Variants in PDE9A observed in about 807,000 individuals in gnomAD.
PDE9A encodes high affinity cGMP-specific 3',5'-cyclic phosphodiesterase 9A.
Under a neutral mutation model 87.4 loss-of-function variants are expected in PDE9A, and 60 were observed. That is an observed-to-expected ratio of 0.69 (90% CI 0.56 to 0.85). PDE9A has a LOEUF of 0.85. Among genes scored for constraint, PDE9A ranks in the 40% least tolerant of loss-of-function variants. The pLI is 0.00. For synonymous variants in PDE9A, 272 were observed against 279.4 expected, an observed-to-expected ratio of 0.97 and a Z score of 0.27; for missense variants, 665 against 779.0, an observed-to-expected ratio of 0.85 and a Z score of 1.74.
chr21:42,670,140 TACACACACATTCACAC>T (rs1490816933), intron 1 of PDE9A, among the ~76,000 whole-genome samples: 5 of 149,270 alleles, frequency 3.3e-5, no homozygotes, highest in Admixed American at 6.7e-5. Flanking sequence ...CACACATGCT[TACACACACATTCACAC>T]GCACACACAT....
At chr21:42,767,104 A>G (rs1489723628) in intron 15 of PDE9A, among the ~76,000 whole-genome samples, 1 of 151,952 alleles carries the variant, frequency 6.6e-6, no homozygotes, top group East Asian at 1.9e-4. Context: ...TCTCACTGCT[A>G]CGGAGCCCCA....
Position 42,660,219 on chromosome 21 carries a change from C to T in PDE9A, c.69+6336C>T, listed in dbSNP as rs2057379009. 1.3e-5 allele frequency among the ~76,000 whole-genome samples: 2 copies of T among 152,218 alleles called. No homozygotes were observed. The highest frequency in any genetic ancestry group is 4.1e-4 in the South Asian group (2 of 4,828). ...GGGCAAGAAGGGCCCAGAGAGCCCC[C>T]AGAGACCAGACGGCACAGCCCGATA... On this transcript the variant is annotated intron_variant, in intron 1 of 19. Coordinates refer to ENST00000291539, the MANE Select transcript of PDE9A (RefSeq NM_002606.3). This position sits in a 1 kb window ranked among gnomAD's most constrained non-coding sequence, Gnocchi z 4.7.
At chr21:42,757,949 C>G (rs1173818752) in intron 10 of PDE9A, 1 of 152,418 alleles carries the variant, frequency 6.6e-6, no homozygotes, top group African/African-American at 2.4e-5. Flanking sequence ...CAGTTCGTAA[C>G]ATGCCCTTTT....
At chr21:42,737,430 C>T (rs1189046427) in intron 7 of PDE9A, among the ~76,000 whole-genome samples, 1 of 152,178 alleles carries the variant, frequency 6.6e-6, no homozygotes, top group Non-Finnish European at 1.5e-5. Flanking sequence ...TATACATGAG[C>T]TGCTGTGAGC....
intron 19 of PDE9A, among the ~76,000 whole-genome samples, chr21:42,773,406 A>G (rs2057201725): frequency 6.6e-6 from 1 of 152,236 alleles, no homozygotes; most frequent in African/African-American, 2.4e-5. Context: ...CTTTTCACAA[A>G]TCACGTGTTT....
At chr21:42,715,214 T>G (rs1463903808) in intron 4 of PDE9A, among the ~76,000 whole-genome samples, 2 of 137,356 alleles carry the variant, frequency 1.5e-5, no homozygotes, top group African/African-American at 2.9e-5. Context: ...TTTTTACAAT[T>G]GATAGACTTT....
At chr21:42,727,495 T>G (rs1383741219) in intron 4 of PDE9A, among the ~76,000 whole-genome samples, 1 of 105,388 alleles carries the variant, frequency 9.5e-6, no homozygotes, top group East Asian at 4.7e-4. Flanking sequence ...GGCTATTTTT[T>G]TTTTTTTTTT....
At chr21:42,746,036 G>A (rs1485804425) in intron 8 of PDE9A, among the ~76,000 whole-genome samples, 2 of 152,250 alleles carry the variant, frequency 1.3e-5, no homozygotes, top group African/African-American at 4.8e-5. Flanking sequence ...GTAGGATGCA[G>A]CCTCTTATCC....
chr21:42,720,803 C>T (rs1043659094), intron 4 of PDE9A, among the ~76,000 whole-genome samples: 1 of 151,946 alleles, frequency 6.6e-6, no homozygotes, highest in East Asian at 1.9e-4. Flanking sequence ...GTCGGGAGTT[C>T]GAGACCAGCC....
rs564880594 is a variant in PDE9A at position 42,654,069 on chromosome 21, TGGGGGGTGGGGGGTG to T, written c.69+193_69+207del. Among the ~76,000 whole-genome samples, 203 of 55,676 alleles carry T rather than the reference TGGGGGGTGGGGGGTG, an allele frequency of 3.6e-3. 5 individuals carry two copies. The South Asian group carries it at 0.088, about 24-fold the overall frequency. The allele number at this position is 55,676 out of a possible 152,430, so 36.5% of individuals were successfully genotyped here. On this transcript the variant is annotated intron_variant, in intron 1 of 19. Transcript: ENST00000291539. ...CCCCGGGGAAAGGGGCGACTCGCCCTGGGGGGTGGGGGGTGGGGGGGCGGGCTAGTGTTTCCGTTT... is the reference window on the plus strand; with the variant it reads ...CCCCGGGGAAAGGGGCGACTCGCCCTGGGGGGCGGGCTAGTGTTTCCGTTT...
At chr21:42,775,180 T>C in intron 19 of PDE9A, 100 bp from the exon 20 acceptor site, 1 of 1,104,624 alleles carries the variant, frequency 9.1e-7, no homozygotes. Flanking sequence ...GACCTCGTGA[T>C]CCACCCACCT....
At chr21:42,766,911 A>G (rs1323473047) in intron 15 of PDE9A, among the ~76,000 whole-genome samples, 1 of 152,170 alleles carries the variant, frequency 6.6e-6, no homozygotes, top group African/African-American at 2.4e-5. Flanking sequence ...ATGCCAGAGG[A>G]TCGGGTGCCA....
intron 7 of PDE9A, among the ~76,000 whole-genome samples, chr21:42,736,603 A>T (rs2052477166): frequency 6.6e-6 from 1 of 152,220 alleles, no homozygotes; most frequent in South Asian, 2.1e-4. Context: ...GATTTCTAGC[A>T]CCAGAGACCT....
intron 4 of PDE9A, among the ~76,000 whole-genome samples, chr21:42,720,934 G>A (rs1433478972): frequency 6.6e-6 from 1 of 152,078 alleles, no homozygotes; most frequent in African/African-American, 2.4e-5. Flanking sequence ...GAACCCGGGA[G>A]GCGGAGGTTG....
chr21:42,662,746 CAAG>C (rs143282043), intron 1 of PDE9A, among the ~76,000 whole-genome samples: 18,458 of 144,386 alleles, frequency 0.13, 1,415 homozygotes, highest in Non-Finnish European at 0.18. Flanking sequence ...ACATCACACA[CAAG>C]AACGCACACC....
intron 9 of PDE9A, among the ~76,000 whole-genome samples, chr21:42,751,736 C>G (rs1438560227): frequency 7.0e-6 from 1 of 143,670 alleles, no homozygotes; most frequent in African/African-American, 2.5e-5. Context: ...AAAATCCCGG[C>G]CCACCTGCTT....
intron 4 of PDE9A, among the ~76,000 whole-genome samples, chr21:42,731,532 GAC>G (rs1014438250): frequency 1.3e-5 from 2 of 152,158 alleles, no homozygotes; most frequent in African/African-American, 4.8e-5. Context: ...TTGAGCCTGG[GAC>G]CTGGACCTTG....
chr21:42,737,700 G>A (rs556618898), intron 7 of PDE9A, among the ~76,000 whole-genome samples: 3 of 152,056 alleles, frequency 2.0e-5, no homozygotes, highest in Admixed American at 1.3e-4. Flanking sequence ...TCAGGTGATC[G>A]ACCCGCCTCG....
In PDE9A at chr21:42,775,187, A is replaced by G. The variant is rs149670851; in HGVS notation, c.1769-93A>G. ...GAACTCCTGACCTCGTGATCCACCC[A>G]CCTTGGTCTCTCAAAGTGCTGGGAT... On this transcript the variant is annotated intron_variant, in intron 19 of 19. Coordinates refer to ENST00000291539, the MANE Select transcript of PDE9A (RefSeq NM_002606.3). The G allele has an allele frequency of 3.2e-3, 3,832 of 1,204,974 alleles. 109 individuals carry two copies. The African/African-American group carries it at 0.052, about 16-fold the overall frequency. The allele number at this position is 1,204,974 out of a possible 1,614,324, so 74.6% of individuals were successfully genotyped here.
Sources: allele counts gnomAD v4.1 joint callset (sites outside exome capture counted in the v4.1 genomes callset), GRCh38; gene constraint gnomAD v4.1.1; non-coding constraint Gnocchi (gnomAD v3.1); transcripts MANE v1.5; gene names NCBI Gene and HGNC (gene_info 2026-07-23, HGNC 2026-07-21).